Variants in MPPED1 observed in about 807,000 individuals in gnomAD.
MPPED1 encodes the protein metallophosphoesterase domain containing 1, also known as metallophosphoesterase domain-containing protein 1.
In MPPED1, 16 loss-of-function variants were observed where a neutral mutation model predicts 36.2. That is an observed-to-expected ratio of 0.44 (90% CI 0.30 to 0.67). The LOEUF (loss-of-function observed/expected upper bound fraction) is 0.67, where lower values mean the gene tolerates loss of function less well. Among genes scored for constraint, MPPED1 ranks in the 30% least tolerant of loss-of-function variants. MPPED1 has a pLI of 0.10. For synonymous variants in MPPED1, 199 were observed against 191.3 expected, an observed-to-expected ratio of 1.04 and a Z score of -0.33; for missense variants, 307 against 453.4, an observed-to-expected ratio of 0.68 and a Z score of 2.93.
intron 3 of MPPED1, among the ~76,000 whole-genome samples, chr22:43,454,867 T>C (rs1601972990): frequency 6.6e-6 from 1 of 152,246 alleles, no homozygotes; most frequent in East Asian, 1.9e-4. Flanking sequence ...GAAACATTTG[T>C]ATTCAGATTC....
At chr22:43,458,509 C>G (rs1930834958) in intron 3 of MPPED1, among the ~76,000 whole-genome samples, 2 of 152,148 alleles carry the variant, frequency 1.3e-5, no homozygotes, top group Admixed American at 1.3e-4. Flanking sequence ...TGGTCTCTAT[C>G]TCCTGACCTC....
At chr22:43,424,316 G>T (rs560170724) in intron 1 of MPPED1, among the ~76,000 whole-genome samples, 29 of 152,058 alleles carry the variant, frequency 1.9e-4, no homozygotes, top group Non-Finnish European at 3.5e-4. Context: ...ATCTATGTCT[G>T]GGAAAATCCC....
chr22:43,417,447 CT>C (rs11431981), intron 1 of MPPED1, among the ~76,000 whole-genome samples: 4,172 of 132,312 alleles, frequency 0.032, 76 homozygotes, highest in Middle Eastern at 0.059. Flanking sequence ...AGTCCCTCTG[CT>C]TTTTTTTTTT....
intron 2 of MPPED1, among the ~76,000 whole-genome samples, chr22:43,427,043 G>A (rs1268412659): frequency 6.6e-6 from 1 of 152,218 alleles, no homozygotes; most frequent in African/African-American, 2.4e-5. Flanking sequence ...AGGTGACTGA[G>A]CCTGAGGTCC....
At chr22:43,483,468 G>T (rs1369086763) in intron 4 of MPPED1, among the ~76,000 whole-genome samples, 1 of 152,274 alleles carries the variant, frequency 6.6e-6, no homozygotes, top group Non-Finnish European at 1.5e-5. Context: ...TGTCGGTTTG[G>T]ACTGCCAGCT....
intron 5 of MPPED1, among the ~76,000 whole-genome samples, chr22:43,500,423 A>AATGGAGGTGGTGGTGGAGGTGGTG (rs1932693938): frequency 7.0e-5 from 3 of 42,958 alleles, no homozygotes; most frequent in East Asian, 7.7e-4. Context: ...TGGAGGTGGT[A>AATGGAGGTGGTGGTGGAGGTGGTG]ATGGAGGTGG....
rs771136266 is a variant in MPPED1, at chr22:43,435,184, G to T, written c.375G>T (p.Pro125=). ...HAGDFTELGL[P]SEVKKFNEWL... ...GGGACTTCACTGAGCTGGGGCTCCC[G>T]AGCGAGGTGAAGAAGTTCAACGAGT... Residue 125 remains proline (P), a synonymous_variant, in exon 3 of 7, where the codon CCG becomes CCT. Transcript: ENST00000443721. 4 of 1,611,270 alleles carry T rather than the reference G, an allele frequency of 2.5e-6. No individual in the cohort carries two copies. The African/African-American group carries it at 4.0e-5, about 16-fold the overall frequency.
At chr22:43,447,715 G>A (rs1020193084) in intron 3 of MPPED1, among the ~76,000 whole-genome samples, 4 of 150,840 alleles carry the variant, frequency 2.7e-5, no homozygotes, top group Non-Finnish European at 4.4e-5. Flanking sequence ...CATAGGTCTC[G>A]GGAGGGCATG....
chr22:43,460,623 T>A (rs1404196502), intron 3 of MPPED1, among the ~76,000 whole-genome samples: 1 of 152,174 alleles, frequency 6.6e-6, no homozygotes, highest in African/African-American at 2.4e-5. Flanking sequence ...CTCTGTCATG[T>A]GTGGCTACTA....
chr22:43,440,000 G>C (rs369861107), intron 3 of MPPED1, among the ~76,000 whole-genome samples: 1 of 152,244 alleles, frequency 6.6e-6, no homozygotes, highest in Non-Finnish European at 1.5e-5. Context: ...GCCTTGCGGC[G>C]GGGGCGTGTC....
chr22:43,501,575 C>T (rs1024887336), intron 5 of MPPED1, among the ~76,000 whole-genome samples: 9 of 152,196 alleles, frequency 5.9e-5, no homozygotes, highest in African/African-American at 1.4e-4. Context: ...GCCAGGGTGC[C>T]GAGGTGCTGG....
At chr22:43,495,482 G>GTGA (rs1602015872) in intron 4 of MPPED1, among the ~76,000 whole-genome samples, 2 of 52,698 alleles carry the variant, frequency 3.8e-5, no homozygotes, top group East Asian at 1.3e-3. Context: ...GGTGGAGGTG[G>GTGA]TGGTGGAGGT....
At chr22:43,489,738 C>T (rs924149011) in intron 4 of MPPED1, among the ~76,000 whole-genome samples, 9 of 152,112 alleles carry the variant, frequency 5.9e-5, no homozygotes, top group Non-Finnish European at 1.0e-4. Context: ...AGGCTGGTGT[C>T]GAACTCCTGA....
chr22:43,479,043 T>C (rs762816942), intron 4 of MPPED1, among the ~76,000 whole-genome samples: 1 of 152,162 alleles, frequency 6.6e-6, no homozygotes, highest in Non-Finnish European at 1.5e-5. Flanking sequence ...TGGCTGCTGA[T>C]CCTGCCTGGT....
At chr22:43,427,605 G>A (rs926021633) in intron 2 of MPPED1, among the ~76,000 whole-genome samples, 2 of 152,268 alleles carry the variant, frequency 1.3e-5, no homozygotes, top group South Asian at 2.1e-4. Flanking sequence ...GCAACCCAGG[G>A]CCATTCATTC....
intron 5 of MPPED1, among the ~76,000 whole-genome samples, chr22:43,501,955 T>C (rs1932747238): frequency 6.6e-6 from 1 of 152,104 alleles, no homozygotes; most frequent in Non-Finnish European, 1.5e-5. Flanking sequence ...AAACCTGTTC[T>C]GCTCACCCAA....
At chr22:43,494,410 T>A (rs1932192163) in intron 4 of MPPED1, among the ~76,000 whole-genome samples, 1 of 152,160 alleles carries the variant, frequency 6.6e-6, no homozygotes, top group Non-Finnish European at 1.5e-5. Flanking sequence ...CTGTTGTGGT[T>A]TCTGATGGTT....
intron 6 of MPPED1, among the ~76,000 whole-genome samples, chr22:43,504,734 G>A (rs1246465784): frequency 6.6e-6 from 1 of 150,958 alleles, no homozygotes; most frequent in East Asian, 2.0e-4. Flanking sequence ...ATGATAATAG[G>A]AGCAGTGGTG....
rs921426860 is a variant in MPPED1, at chr22:43,442,292, C to T, written c.406+7077C>T. Among the ~76,000 whole-genome samples the T allele has an allele frequency of 6.6e-5, 10 of 152,102 alleles. No homozygotes were observed. The East Asian group carries it at 1.7e-3, about 26-fold the overall frequency. On this transcript the variant is annotated intron_variant, in intron 3 of 6. Transcript: ENST00000443721. ...TTCTTTATTTTTCCCCTCCCTTCTTCCCACCTCCCCACCCAATGAACAGCA... is the reference window on the plus strand; with the variant it reads ...TTCTTTATTTTTCCCCTCCCTTCTTTCCACCTCCCCACCCAATGAACAGCA...
Sources: allele counts gnomAD v4.1 joint callset (sites outside exome capture counted in the v4.1 genomes callset), GRCh38; gene constraint gnomAD v4.1.1; transcripts MANE v1.5; gene names NCBI Gene and HGNC (gene_info 2026-07-23, HGNC 2026-07-21).